The following PCDHGA4 variants were observed in gnomAD, a reference collection of about 807,000 sequenced individuals.
The protein encoded by PCDHGA4 is protocadherin gamma-A4.
In PCDHGA4, 38 loss-of-function variants were observed where a neutral mutation model predicts 54.6. That is an observed-to-expected ratio of 0.70 (90% CI 0.54 to 0.91). The LOEUF (loss-of-function observed/expected upper bound fraction) is 0.91. PCDHGA4 is among the 40% of genes least tolerant of loss of function. PCDHGA4 has a pLI of 0.00. For synonymous variants in PCDHGA4, 511 were observed against 512.9 expected (o/e 1.00, Z 0.05); for missense variants, 1,298 against 1,220.9 (o/e 1.06, Z -0.94).
At chr5:141,378,382 G>C (rs1774857490) in intron 1 of PCDHGA4, 1 of 152,274 alleles carries the variant, frequency 6.6e-6, no homozygotes, top group South Asian at 2.1e-4. Context: ...AATTAGCCAG[G>C]TGGGGTGGCA....
In PCDHGA4 at chr5:141,487,087, C is replaced by G. The variant is rs752261507; in HGVS notation, c.2515-7720C>G. 1.2e-6 allele frequency: 2 copies of G among 1,613,890 alleles called. No homozygotes were observed. Among genetic ancestry groups the G allele is most frequent in the Non-Finnish European group, 1.7e-6 (2 of 1,179,804 alleles). ...CGGCTGTTCCTATCCCAGCTGACCT[C>G]CCACCACAGAAGCTGGTCATTGTGG... On this transcript the variant is annotated intron_variant, in intron 1 of 3. Transcript: ENST00000571252. The surrounding 1 kb of genome is among the most constrained non-coding windows in gnomAD (Gnocchi z 5.0).
At chr5:141,373,976 G>T (rs1357062991) in intron 1 of PCDHGA4, 1 of 1,066,506 alleles carries the variant, frequency 9.4e-7, no homozygotes, top group Non-Finnish European at 1.3e-6. Context: ...CTTCGCATCC[G>T]GTCTCTGCTT....
intron 1 of PCDHGA4, chr5:141,388,948 T>A (rs751779962): frequency 1.9e-6 from 3 of 1,614,022 alleles, no homozygotes; most frequent in Non-Finnish European, 2.5e-6. Context: ...AACCTAATTA[T>A]GGAGGACGCC....
At chr5:141,413,775 G>T in intron 1 of PCDHGA4, 1 of 1,612,878 alleles carries the variant, frequency 6.2e-7, no homozygotes, top group South Asian at 1.1e-5. Context: ...AGCTGGTACT[G>T]GAGCACTCCC....
Position 141,477,952 on chromosome 5 carries a change from A to C in PCDHGA4, c.2515-16855A>C, listed in dbSNP as rs907708638. The C allele has an allele frequency of 1.2e-6, 2 of 1,614,038 alleles. No individual in the cohort carries two copies. Among genetic ancestry groups the C allele is most frequent in the Non-Finnish European group, 1.7e-6 (2 of 1,180,002 alleles). Reference sequence around the variant, plus strand: ...CCTGGCTCTCCTACAGTCTCTTGGGATCCCCTAACCAGAGCCTTTTTGCCA... The same window carrying C: ...CCTGGCTCTCCTACAGTCTCTTGGGCTCCCCTAACCAGAGCCTTTTTGCCA... On this transcript the variant is annotated intron_variant, in intron 1 of 3. Coordinates refer to ENST00000571252, the MANE Select transcript of PCDHGA4 (RefSeq NM_018917.4). This position sits in a 1 kb window ranked among gnomAD's most constrained non-coding sequence, Gnocchi z 4.9.
intron 1 of PCDHGA4, among the ~76,000 whole-genome samples, chr5:141,462,678 T>G (rs923728894): frequency 1.3e-5 from 2 of 152,210 alleles, no homozygotes; most frequent in South Asian, 4.1e-4. Flanking sequence ...TTCTTTAAAT[T>G]TTTGAGCACA....
intron 1 of PCDHGA4, chr5:141,372,410 A>C: frequency 6.2e-7 from 1 of 1,613,980 alleles, no homozygotes; most frequent in South Asian, 1.1e-5. Context: ...AAGAGATACA[A>C]CCTGACCTTA....
chr5:141,404,455 C>T, intron 1 of PCDHGA4: 1 of 1,611,994 alleles, frequency 6.2e-7, no homozygotes, highest in Non-Finnish European at 8.5e-7. Context: ...GGTCTCCTCT[C>T]TCCACCTATG....
intron 2 of PCDHGA4, among the ~76,000 whole-genome samples, chr5:141,503,851 A>C (rs1484022055): frequency 6.6e-6 from 1 of 152,116 alleles, no homozygotes; most frequent in Non-Finnish European, 1.5e-5. Context: ...CCTTGGAAAA[A>C]TTGTAAAGCA....
chr5:141,461,230 G>T (rs945407206), intron 1 of PCDHGA4, among the ~76,000 whole-genome samples: 2 of 152,024 alleles, frequency 1.3e-5, no homozygotes, highest in African/African-American at 4.8e-5. Flanking sequence ...TTCCATAGAG[G>T]TTGTACTAAT....
intron 1 of PCDHGA4, chr5:141,399,646 AGT>A: frequency 6.2e-7 from 1 of 1,613,790 alleles, no homozygotes; most frequent in African/African-American, 1.3e-5. Context: ...GAGCGCGCAA[AGT>A]GGGGTGGTGT....
At chr5:141,405,256 G>GATGTGATGCTCT (rs1316160577) in intron 1 of PCDHGA4, 2 of 1,614,050 alleles carry the variant, frequency 1.2e-6, no homozygotes, top group Non-Finnish European at 1.7e-6. Flanking sequence ...AGAGTCACCT[G>GATGTGATGCTCT]ATCTTCCCCC....
Position 141,373,957 on chromosome 5 carries a change from C to A in PCDHGA4, c.2514+16336C>A, listed in dbSNP as rs114705983. ...CAGGAAAGCTGTGCAGAAATTCTGA[C>A]CTGAAACGCTTCGCATCCGGTCTCT... On this transcript the variant is annotated intron_variant, in intron 1 of 3. Coordinates refer to ENST00000571252, the MANE Select transcript of PCDHGA4 (RefSeq NM_018917.4). 3.8e-3 allele frequency: 3,425 copies of A among 890,772 alleles called. 11 individuals carry two copies. Among genetic ancestry groups the A allele is most frequent in the Non-Finnish European group, 4.4e-3 (2,783 of 626,468 alleles). The allele number at this position is 890,772 out of a possible 1,614,324, so 55.2% of individuals were successfully genotyped here.
intron 1 of PCDHGA4, chr5:141,384,433 G>A (rs1351940709): frequency 6.2e-7 from 1 of 1,613,998 alleles, no homozygotes. Flanking sequence ...CTCTGACACT[G>A]GAGTCCTGTA....
chr5:141,464,773 C>G (rs576769467), intron 1 of PCDHGA4, among the ~76,000 whole-genome samples: 79 of 152,106 alleles, frequency 5.2e-4, no homozygotes, highest in African/African-American at 1.9e-3. Context: ...GAATCTTGTT[C>G]TGTTGCCCAG....
At chr5:141,384,987 G>A (rs775895766) in intron 1 of PCDHGA4, 14 of 1,614,114 alleles carry the variant, frequency 8.7e-6, no homozygotes, top group Non-Finnish European at 1.1e-5. Flanking sequence ...TGGTGGTGGC[G>A]GTGGCCACAG....
Position 141,409,997 on chromosome 5 carries a change from G to A in PCDHGA4, c.2514+52376G>A. 1.9e-6 allele frequency: 3 copies of A among 1,613,224 alleles called. No homozygotes were observed. The African/African-American group carries it at 4.0e-5, about 22-fold the overall frequency. ...GGTGGTAGCGGTGGACGCCGACTCG[G>A]GACACAACGCCTGGCTGTCCTACCA... On this transcript the variant is annotated intron_variant, in intron 1 of 3. Coordinates refer to ENST00000571252, the MANE Select transcript of PCDHGA4 (RefSeq NM_018917.4).
At chr5:141,407,124 T>C (rs1409043654) in intron 1 of PCDHGA4, among the ~76,000 whole-genome samples, 1 of 152,242 alleles carries the variant, frequency 6.6e-6, no homozygotes, top group Non-Finnish European at 1.5e-5. Flanking sequence ...TTTCAGTTGC[T>C]TTATTTTTAA....
intron 1 of PCDHGA4, chr5:141,428,054 G>A (rs763394113): frequency 6.2e-7 from 1 of 1,609,038 alleles, no homozygotes; most frequent in Admixed American, 1.7e-5. Context: ...CCAAGGTGGT[G>A]GCGGTGGACG....
Sources: gnomAD v4.1 joint callset for allele counts (sites outside exome capture counted in the v4.1 genomes callset) on GRCh38, gnomAD v4.1.1 for gene constraint, Gnocchi (gnomAD v3.1) non-coding constraint, MANE v1.5 for transcripts, NCBI Gene and HGNC (gene_info 2026-07-23, HGNC 2026-07-21) for gene names.